CDC16: variants seen among roughly 807,000 people sequenced by gnomAD.
CDC16 encodes cell division cycle 16.
Under a neutral mutation model 87.0 loss-of-function variants are expected in CDC16, and 34 were observed. The ratio of observed to expected loss-of-function variants is 0.39; its 90% CI spans 0.30 to 0.52. The LOEUF (loss-of-function observed/expected upper bound fraction) is 0.52. Ranked by LOEUF, CDC16 falls within the 20% of genes least tolerant of loss-of-function variation. CDC16 has a pLI of 0.74. For missense variants in CDC16, 653 were observed against 751.9 expected, an observed-to-expected ratio of 0.87 and a Z score of 1.54; for synonymous variants, 263 against 260.6, an observed-to-expected ratio of 1.01 and a Z score of -0.09.
intron 5 of CDC16, among the ~76,000 whole-genome samples, chr13:114,240,212 T>A (rs1210830910): frequency 1.4e-5 from 2 of 141,848 alleles, no homozygotes; most frequent in Admixed American, 1.4e-4. Flanking sequence ...TTCCCACATC[T>A]TTTTTTTTTA....
At chr13:114,265,867 G>A (rs2083177613) in intron 17 of CDC16, among the ~76,000 whole-genome samples, 1 of 151,732 alleles carries the variant, frequency 6.6e-6, no homozygotes, top group South Asian at 2.1e-4. Flanking sequence ...CCAGGCTGGA[G>A]TGCAATGGCG....
chr13:114,238,752 T>G (rs1318282424), intron 3 of CDC16, among the ~76,000 whole-genome samples: 3 of 152,248 alleles, frequency 2.0e-5, no homozygotes, highest in Non-Finnish European at 2.9e-5. Flanking sequence ...TTGTGCTTAG[T>G]TCACATCTCC....
intron 17 of CDC16, among the ~76,000 whole-genome samples, chr13:114,269,696 A>T (rs187444016): frequency 1.3e-5 from 2 of 151,718 alleles, no homozygotes; most frequent in Admixed American, 6.5e-5. Context: ...AGTTTCACAG[A>T]TTTTTTTATT....
chr13:114,247,203 G>T (rs565597604), intron 11 of CDC16, 199 bp downstream of exon 11: 2 of 563,380 alleles, frequency 3.5e-6, no homozygotes, highest in South Asian at 2.1e-5. Flanking sequence ...TCTCTCGAGG[G>T]TTCTCACTCT....
At chr13:114,258,679 A>G (rs1017283411) in intron 13 of CDC16, among the ~76,000 whole-genome samples, 1 of 152,148 alleles carries the variant, frequency 6.6e-6, no homozygotes, top group Admixed American at 6.5e-5. Flanking sequence ...ACACACATAA[A>G]ACAAGGTTAC....
chr13:114,263,033 C>A lies in CDC16; in HGVS notation c.1512+19C>A. ...CCACACAGTATGTCTTTTCTTTGTA[C>A]CTAATTTTAAATCTGGTTAACATTG... On this transcript the variant is annotated intron_variant, in intron 16 of 17. Coordinates refer to ENST00000356221, the MANE Select transcript of CDC16 (RefSeq NM_001078645.3). The A allele has an allele frequency of 1.2e-6, 2 of 1,609,100 alleles. No individual in the cohort carries two copies. The highest frequency in any genetic ancestry group is 8.5e-7 in the Non-Finnish European group (1 of 1,175,742).
At position 114,259,407 on chromosome 13, in the gene CDC16, TGTA is replaced by T; in HGVS notation, c.1314+13_1314+15del. 1 of 1,504,434 alleles carries T rather than the reference TGTA, an allele frequency of 6.6e-7. No individual in the cohort carries two copies. Among genetic ancestry groups the T allele is most frequent in the Non-Finnish European group, 9.0e-7 (1 of 1,116,264 alleles). The allele number at this position is 1,504,434 out of a possible 1,614,324, so 93.2% of individuals were successfully genotyped here. ...AAGCAATTGGGAACGAGGTATTCTT[TGTA>T]GTACCTGTAAATATACACATATACA... On this transcript the variant is annotated intron_variant, in intron 14 of 17. Coordinates refer to ENST00000356221, the MANE Select transcript of CDC16 (RefSeq NM_001078645.3).
chr13:114,234,971 C>T lies in CDC16; in HGVS notation c.-114C>T, dbSNP rs868248998. ...CCTTCGAGTCCGCGGCCTTCGAGTC[C>T]TGGGGCGGCGGCGGCGGCTGCAGGC... On this transcript the variant is annotated 5_prime_UTR_variant, in exon 1 of 18. Coordinates refer to ENST00000356221, the MANE Select transcript of CDC16 (RefSeq NM_001078645.3). 11 of 807,084 alleles carry T rather than the reference C, an allele frequency of 1.4e-5. No individual in the cohort carries two copies. The highest frequency in any genetic ancestry group is 8.2e-4 in the Middle Eastern group (2 of 2,438). The allele number at this position is 807,084 out of a possible 1,614,324, so 50.0% of individuals were successfully genotyped here.
intron 5 of CDC16, among the ~76,000 whole-genome samples, chr13:114,241,659 G>A (rs988749885): frequency 2.6e-5 from 4 of 152,266 alleles, no homozygotes; most frequent in East Asian, 1.9e-4. Context: ...TGCATTTTTT[G>A]TGTGTTTTTA....
At chr13:114,239,303 G>C (rs373559523) in intron 4 of CDC16, 47 bp from the exon 5 acceptor site, 7 of 1,562,358 alleles carry the variant, frequency 4.5e-6, no homozygotes, top group Non-Finnish European at 6.1e-6. Context: ...CATGTGTTTC[G>C]TGTTAGAAGT....
At chr13:114,258,169 T>C (rs1205518633) in intron 13 of CDC16, among the ~76,000 whole-genome samples, 1 of 152,196 alleles carries the variant, frequency 6.6e-6, no homozygotes, top group African/African-American at 2.4e-5. Context: ...TTTTTAAAAG[T>C]TTGAAGCTTT....
intron 17 of CDC16, among the ~76,000 whole-genome samples, chr13:114,268,142 G>T (rs1445405767): frequency 6.6e-6 from 1 of 152,100 alleles, no homozygotes; most frequent in Non-Finnish European, 1.5e-5. Flanking sequence ...AAAGGGGGGG[G>T]AGTTCCCCTA....
intron 5 of CDC16, among the ~76,000 whole-genome samples, chr13:114,240,534 GT>G (rs1566637272): frequency 6.6e-6 from 1 of 151,994 alleles, no homozygotes; most frequent in African/African-American, 2.4e-5. Flanking sequence ...TTTAAAAAAT[GT>G]TTTGTAGAGA....
Position 114,272,612 on chromosome 13 carries a change from T to A in CDC16, c.*169T>A. ...CTGGATCGCACACCTTTGCAACAGA[T>A]GTGTTCTGATTCTCTGAACCTACAA... is the stretch of plus-strand genomic sequence containing the variant. On this transcript the variant is annotated 3_prime_UTR_variant, in exon 18 of 18. Transcript: ENST00000356221. The A allele has an allele frequency of 1.8e-6, 1 of 548,672 alleles. No homozygotes were observed. 34.0% of individuals were successfully genotyped at this position (548,672 alleles called of 1,614,324 possible). A position where few individuals can be genotyped will look rare whatever the true frequency, so the allele number is the denominator to read the frequency against.
intron 12 of CDC16, among the ~76,000 whole-genome samples, chr13:114,252,240 C>G (rs552000547): frequency 3.9e-5 from 6 of 151,974 alleles, no homozygotes; most frequent in Non-Finnish European, 5.9e-5. Context: ...AAGAGCCTTA[C>G]ACTAGCCCTG....
At chr13:114,265,321 T>C in intron 17 of CDC16, 81 bp downstream of exon 17, 1 of 879,778 alleles carries the variant, frequency 1.1e-6, no homozygotes, top group Non-Finnish European at 1.9e-6. Context: ...TCTCATATTC[T>C]CGTCTGAGGT....
chr13:114,234,974 G>GGGCGGA lies in CDC16; in HGVS notation c.-106_-105insAGGCGG. 4 of 778,354 alleles carry GGGCGGA rather than the reference G, an allele frequency of 5.1e-6. No homozygotes were observed. The highest frequency in any genetic ancestry group is 6.9e-6 in the Non-Finnish European group (4 of 575,590). The allele number at this position is 778,354 out of a possible 1,614,324, so 48.2% of individuals were successfully genotyped here. A position where few individuals can be genotyped will look rare whatever the true frequency, so the allele number is the denominator to read the frequency against. On this transcript the variant is annotated 5_prime_UTR_variant, in exon 1 of 18. Coordinates refer to ENST00000356221, the MANE Select transcript of CDC16 (RefSeq NM_001078645.3). ...TCGAGTCCGCGGCCTTCGAGTCCTGGGGCGGCGGCGGCGGCTGCAGGCACG... is the reference window on the plus strand; with the variant it reads ...TCGAGTCCGCGGCCTTCGAGTCCTGGGGCGGAGGCGGCGGCGGCGGCTGCAGGCACG...
At chr13:114,239,322 A>T (rs377650842) in intron 4 of CDC16, 28 bp from the exon 5 acceptor site, 1 of 1,579,934 alleles carries the variant, frequency 6.3e-7, no homozygotes, top group Non-Finnish European at 8.6e-7. Flanking sequence ...GTCGTGAGTG[A>T]TGAGCGGCAC....
intron 14 of CDC16, among the ~76,000 whole-genome samples, chr13:114,260,482 C>G (rs1354024030): frequency 6.6e-6 from 1 of 152,190 alleles, no homozygotes; most frequent in Non-Finnish European, 1.5e-5. Context: ...TGCAGAATCT[C>G]AGACCAACTG....
Sources: allele counts gnomAD v4.1 joint callset (sites outside exome capture counted in the v4.1 genomes callset), GRCh38; gene constraint gnomAD v4.1.1; transcripts MANE v1.5; gene names NCBI Gene and HGNC (gene_info 2026-07-23, HGNC 2026-07-21).